The following URI1 variants were observed in gnomAD, a reference collection of about 807,000 sequenced individuals.
The protein encoded by URI1 is unconventional prefoldin RPB5 interactor 1.
Under a neutral mutation model 60.2 loss-of-function variants are expected in URI1, and 39 were observed. The observed-to-expected ratio is 0.65, with a 90% confidence interval of 0.50 to 0.85. The LOEUF is 0.85. Among genes scored for constraint, URI1 ranks in the 40% least tolerant of loss-of-function variants. URI1 has a pLI of 0.00. For missense variants in URI1, 691 were observed against 665.9 expected, an observed-to-expected ratio of 1.04 and a Z score of -0.42; for synonymous variants, 251 against 236.8, an observed-to-expected ratio of 1.06 and a Z score of -0.55.
chr19:29,971,827 T>A (rs1197398005), intron 2 of URI1, among the ~76,000 whole-genome samples: 1 of 151,894 alleles, frequency 6.6e-6, no homozygotes, highest in African/African-American at 2.4e-5. Context: ...AATCTTATAT[T>A]ATGAGTTGTC....
chr19:29,995,731 T>C (rs1184290251), intron 4 of URI1, among the ~76,000 whole-genome samples: 3 of 152,054 alleles, frequency 2.0e-5, no homozygotes, highest in African/African-American at 2.4e-5. Context: ...CTGTGTTTTT[T>C]TTTTTGAGTT....
intron 4 of URI1, among the ~76,000 whole-genome samples, chr19:29,988,395 T>C (rs1448997415): frequency 1.3e-5 from 2 of 152,174 alleles, no homozygotes; most frequent in Non-Finnish European, 2.9e-5. Context: ...ATGATTTGTT[T>C]AGCCAGCACC....
At chr19:29,928,641 G>T (rs2054890718) in intron 1 of URI1, among the ~76,000 whole-genome samples, 1 of 152,196 alleles carries the variant, frequency 6.6e-6, no homozygotes, top group African/African-American at 2.4e-5. Flanking sequence ...CTCAAGGGCA[G>T]TAGTGGGAAT....
At chr19:29,983,335 TAA>T (rs1440658156) in intron 2 of URI1, 1 of 152,178 alleles carries the variant, frequency 6.6e-6, no homozygotes, top group Non-Finnish European at 1.5e-5. Flanking sequence ...AAAATACTGA[TAA>T]GTGACATTTA....
chr19:29,968,483 G>T (rs972759693), intron 1 of URI1, among the ~76,000 whole-genome samples: 1 of 148,098 alleles, frequency 6.8e-6, no homozygotes, highest in African/African-American at 2.5e-5. Flanking sequence ...AGATTATTTA[G>T]AATAATTTAA....
chr19:29,986,201 C>T (rs1041399147), intron 3 of URI1, 81 bp from the exon 4 acceptor site: 2 of 1,353,506 alleles, frequency 1.5e-6, no homozygotes, highest in South Asian at 1.9e-5. Flanking sequence ...TTATGTAAGG[C>T]TTTTAATGCG....
chr19:29,952,338 A>G (rs975789523), intron 1 of URI1, among the ~76,000 whole-genome samples: 1 of 152,248 alleles, frequency 6.6e-6, no homozygotes, highest in African/African-American at 2.4e-5. Flanking sequence ...AGGTTCTTGC[A>G]TCATGAAGTC....
chr19:29,971,209 A>G lies in URI1; in HGVS notation c.134A>G (p.Gln45Arg), dbSNP rs748622875. The G allele has an allele frequency of 8.7e-6, 14 of 1,613,348 alleles. No homozygotes were observed. The highest frequency in any genetic ancestry group is 4.4e-5 in the South Asian group (4 of 91,044). Reference sequence around the variant, plus strand: ...TCATGACAGGTGGTCACTAACTGCCAAGAGAGAATCCAGCATTGGTGAGTG... The same window carrying G: ...TCATGACAGGTGGTCACTAACTGCCGAGAGAGAATCCAGCATTGGTGAGTG... ...EEQEKVVTNC[Q>R]ERIQHWKKVD... The change falls in exon 2 of 11, where the codon CAA becomes CGA. Residue 45 changes from glutamine to arginine, a missense_variant. Coordinates refer to ENST00000392271, the MANE Select transcript of URI1 (RefSeq NM_003796.3).
chr19:29,931,171 T>C (rs530224626), intron 1 of URI1, among the ~76,000 whole-genome samples: 109 of 152,262 alleles, frequency 7.2e-4, no homozygotes, highest in African/African-American at 2.6e-3. Flanking sequence ...AAAAATGCCA[T>C]TGGGATTGGA....
At chr19:29,982,228 AT>A (rs1368641914) in intron 2 of URI1, among the ~76,000 whole-genome samples, 2 of 152,240 alleles carry the variant, frequency 1.3e-5, no homozygotes, top group African/African-American at 4.8e-5. Flanking sequence ...AAATTTATAA[AT>A]AGCAACTCTA....
intron 1 of URI1, among the ~76,000 whole-genome samples, chr19:29,926,940 G>T (rs988302566): frequency 6.6e-6 from 1 of 152,200 alleles, no homozygotes; most frequent in African/African-American, 2.4e-5. Flanking sequence ...ACTGAGTCTG[G>T]CTCTGCCTGG....
At chr19:30,003,681 G>T (rs2055904270) in intron 4 of URI1, among the ~76,000 whole-genome samples, 1 of 151,944 alleles carries the variant, frequency 6.6e-6, no homozygotes, top group African/African-American at 2.4e-5. Flanking sequence ...TATAACATCA[G>T]TGAACAATCA....
chr19:29,936,401 C>T (rs1047506228), intron 1 of URI1, among the ~76,000 whole-genome samples: 4 of 152,186 alleles, frequency 2.6e-5, no homozygotes, highest in Non-Finnish European at 5.9e-5. Flanking sequence ...CTGCACCCAG[C>T]CCCTCTATGG....
chr19:30,008,765 T>G (rs891316266), intron 7 of URI1, among the ~76,000 whole-genome samples: 1 of 152,100 alleles, frequency 6.6e-6, no homozygotes, highest in African/African-American at 2.4e-5. Flanking sequence ...CTTGCAAAGA[T>G]AAAAAAATTA....
intron 4 of URI1, among the ~76,000 whole-genome samples, chr19:29,993,807 T>C (rs1479869315): frequency 1.3e-5 from 2 of 152,326 alleles, no homozygotes; most frequent in East Asian, 3.9e-4. Flanking sequence ...ATCAGTATCT[T>C]ACTCATTATT....
intron 10 of URI1, 41 bp from the exon 11 acceptor site, chr19:30,014,846 T>C (rs1373994164): frequency 6.4e-7 from 1 of 1,555,258 alleles, no homozygotes; most frequent in East Asian, 2.3e-5. Context: ...GTGGGTGTCT[T>C]ATTTGCATTT....
intron 1 of URI1, among the ~76,000 whole-genome samples, chr19:29,968,565 CTTTTTTTTTTTTTTTT>C (rs35475321): frequency 5.4e-5 from 4 of 74,428 alleles, no homozygotes; most frequent in South Asian, 6.1e-4. Flanking sequence ...CTAATTTTTT[CTTTTTTTTTTTTTTTT>C]TTTTTTTTGA....
intron 4 of URI1, among the ~76,000 whole-genome samples, chr19:29,994,758 T>G (rs914956164): frequency 6.6e-6 from 1 of 151,938 alleles, no homozygotes; most frequent in South Asian, 2.1e-4. Flanking sequence ...GTGGAATTGC[T>G]GGATCATATG....
At chr19:30,014,836 G>C (rs1262801747) in intron 10 of URI1, 51 bp from the exon 11 acceptor site, 1 of 1,520,604 alleles carries the variant, frequency 6.6e-7, no homozygotes, top group South Asian at 1.2e-5. Flanking sequence ...GGAAGATTTT[G>C]TGGGTGTCTT....
Sources: gnomAD v4.1 joint callset for allele counts (sites outside exome capture counted in the v4.1 genomes callset) on GRCh38, gnomAD v4.1.1 for gene constraint, MANE v1.5 for transcripts, NCBI Gene and HGNC (gene_info 2026-07-23, HGNC 2026-07-21) for gene names.